ZCCHC7: variants seen among roughly 807,000 people sequenced by gnomAD.
ZCCHC7 encodes the protein zinc finger CCHC-type containing 7.
In ZCCHC7, 35 loss-of-function variants were observed where a neutral mutation model predicts 52.0. That is an observed-to-expected ratio of 0.67 (90% CI 0.51 to 0.89). The LOEUF is 0.89. ZCCHC7 is among the 40% of genes least tolerant of loss of function. The pLI is 0.00. For synonymous variants in ZCCHC7, 217 were observed against 221.5 expected, an observed-to-expected ratio of 0.98 and a Z score of 0.18; for missense variants, 574 against 649.1, an observed-to-expected ratio of 0.88 and a Z score of 1.26.
At chr9:37,152,558 G>C (rs1318426948) in intron 2 of ZCCHC7, among the ~76,000 whole-genome samples, 1 of 151,706 alleles carries the variant, frequency 6.6e-6, no homozygotes, top group Non-Finnish European at 1.5e-5. Flanking sequence ...TTTTTTTGAT[G>C]ACCATGTCAG....
chr9:37,126,193 G>T, intron 1 of ZCCHC7, 119 bp from the exon 2 acceptor site: 1 of 1,035,952 alleles, frequency 9.7e-7, no homozygotes, highest in African/African-American at 1.6e-5. Flanking sequence ...ATTTTAATAT[G>T]TCTGAGAATA....
At chr9:37,120,498 C>G (rs1033457446), upstream of ZCCHC7, 1 of 398,972 alleles carries the variant, frequency 2.5e-6, no homozygotes, top group Admixed American at 4.4e-5. Flanking sequence ...GCTGTGTTGT[C>G]CCCGGAAGTG....
At chr9:37,244,683 G>C (rs1485077358) in intron 2 of ZCCHC7, among the ~76,000 whole-genome samples, 2 of 151,866 alleles carry the variant, frequency 1.3e-5, no homozygotes, top group East Asian at 1.9e-4. Flanking sequence ...CTAAAAAGAA[G>C]TGGTAAATGT....
intron 7 of ZCCHC7, among the ~76,000 whole-genome samples, chr9:37,352,900 T>A (rs1821479960): frequency 1.3e-5 from 2 of 152,050 alleles, no homozygotes; most frequent in African/African-American, 4.8e-5. Context: ...AAAAACAATC[T>A]AAATAATCCA....
At chr9:37,206,372 C>A (rs777568117) in intron 2 of ZCCHC7, among the ~76,000 whole-genome samples, 1 of 150,036 alleles carries the variant, frequency 6.7e-6, no homozygotes, top group Admixed American at 6.7e-5. Context: ...TTTCCCGCTT[C>A]GTTTTGGCAG....
chr9:37,179,701 T>G (rs1564161515), intron 2 of ZCCHC7, among the ~76,000 whole-genome samples: 1 of 152,158 alleles, frequency 6.6e-6, no homozygotes, highest in Non-Finnish European at 1.5e-5. Flanking sequence ...GTTGATGGAT[T>G]TCTTTTTTAA....
intron 2 of ZCCHC7, among the ~76,000 whole-genome samples, chr9:37,159,484 A>C (rs1820979319): frequency 6.6e-6 from 1 of 152,178 alleles, no homozygotes; most frequent in African/African-American, 2.4e-5. Context: ...TTATTTTTGA[A>C]CTCAAAGTGG....
intron 1 of ZCCHC7, among the ~76,000 whole-genome samples, chr9:37,125,104 GC>G (rs1343059191): frequency 3.2e-4 from 48 of 152,324 alleles, no homozygotes; most frequent in African/African-American, 1.2e-3. Context: ...ACCCGCCTTG[GC>G]CTCCCAAAGT....
chr9:37,253,655 C>G (rs930840612), intron 2 of ZCCHC7, among the ~76,000 whole-genome samples: 3 of 151,976 alleles, frequency 2.0e-5, no homozygotes, highest in Admixed American at 1.3e-4. Context: ...TCAGCAGAGA[C>G]TTCCTATCAC....
chr9:37,159,242 C>T (rs1160516064), intron 2 of ZCCHC7, among the ~76,000 whole-genome samples: 1 of 152,132 alleles, frequency 6.6e-6, no homozygotes, highest in Non-Finnish European at 1.5e-5. Flanking sequence ...AATTCAACTA[C>T]AGTAACTTGA....
chr9:37,128,040 A>G (rs952526913), intron 2 of ZCCHC7, among the ~76,000 whole-genome samples: 5 of 152,214 alleles, frequency 3.3e-5, no homozygotes, highest in African/African-American at 1.2e-4. Flanking sequence ...ACGAAAAGAG[A>G]GAATAGTAGT....
intron 2 of ZCCHC7, among the ~76,000 whole-genome samples, chr9:37,261,517 T>C (rs752875447): frequency 2.6e-5 from 4 of 152,198 alleles, no homozygotes; most frequent in Non-Finnish European, 4.4e-5. Flanking sequence ...CCACATCTAT[T>C]GCAAAAATAA....
In ZCCHC7 at chr9:37,191,045, T is replaced by C. The variant is rs908446406; in HGVS notation, c.610+64103T>C. On this transcript the variant is annotated intron_variant, in intron 2 of 8. Coordinates refer to ENST00000336755, the MANE Select transcript of ZCCHC7 (RefSeq NM_032226.3). The stretch of plus-strand genomic sequence containing the variant: ...CTCAAAAAAAAAAAAAAAGAATACA[T>C]GCATTAGAACCCACACAAGGAAACT... Among the ~76,000 whole-genome samples the C allele has an allele frequency of 5.3e-5, 8 of 151,424 alleles. No homozygotes were observed. The South Asian group carries it at 8.3e-4, about 16-fold the overall frequency.
intron 2 of ZCCHC7, among the ~76,000 whole-genome samples, chr9:37,239,058 A>G (rs922319685): frequency 6.6e-6 from 1 of 152,142 alleles, no homozygotes; most frequent in Non-Finnish European, 1.5e-5. Flanking sequence ...TCAGTGTTCT[A>G]CATAGATGAA....
chr9:37,263,495 C>A (rs936801911), intron 2 of ZCCHC7, among the ~76,000 whole-genome samples: 1 of 151,908 alleles, frequency 6.6e-6, no homozygotes, highest in Non-Finnish European at 1.5e-5. Flanking sequence ...TTCTAAAGTT[C>A]ATATATATTG....
At chr9:37,212,693 C>G (rs1824306777) in intron 2 of ZCCHC7, among the ~76,000 whole-genome samples, 1 of 152,170 alleles carries the variant, frequency 6.6e-6, no homozygotes, top group Non-Finnish European at 1.5e-5. Flanking sequence ...TGAATTGCTT[C>G]TCTCTCAGGA....
At chr9:37,228,851 T>C (rs1309722481) in intron 2 of ZCCHC7, among the ~76,000 whole-genome samples, 3 of 150,882 alleles carry the variant, frequency 2.0e-5, no homozygotes, top group Non-Finnish European at 3.0e-5. Context: ...TTTTTTTTTT[T>C]TTGAGACAGA....
At position 37,303,425 on chromosome 9, in the gene ZCCHC7, C is replaced by CA. The variant is rs935274337; in HGVS notation, c.655-750dup. Reference sequence around the variant, plus strand: ...TGGGCAAAAGAGTGAAACTCCGTCTCAAAAAAAAAAAAAGAAAGAAAGAAA... The same window carrying CA: ...TGGGCAAAAGAGTGAAACTCCGTCTCAAAAAAAAAAAAAAGAAAGAAAGAAA... On this transcript the variant is annotated intron_variant, in intron 3 of 8. Transcript: ENST00000336755. Among the ~76,000 whole-genome samples, 1,020 of 117,688 alleles carry CA rather than the reference C, an allele frequency of 8.7e-3. 4 individuals are homozygous for CA. The highest frequency in any genetic ancestry group is 0.011 in the Non-Finnish European group (608 of 55,664). The allele number at this position is 117,688 out of a possible 152,430, so 77.2% of individuals were successfully genotyped here.
intron 2 of ZCCHC7, among the ~76,000 whole-genome samples, chr9:37,183,111 A>G (rs1360537639): frequency 5.9e-5 from 9 of 152,260 alleles, no homozygotes; most frequent in Admixed American, 5.2e-4. Context: ...AATATATTCT[A>G]TCAAAAATTA....
Sources: gnomAD v4.1 joint callset for allele counts (sites outside exome capture counted in the v4.1 genomes callset) on GRCh38, gnomAD v4.1.1 for gene constraint, MANE v1.5 for transcripts, NCBI Gene and HGNC (gene_info 2026-07-23, HGNC 2026-07-21) for gene names.